Variants in SPATA13 observed in about 807,000 individuals in gnomAD.
SPATA13 encodes the protein spermatogenesis associated 13.
A neutral mutation model predicts 104.0 loss-of-function variants in SPATA13; 50 were observed. The ratio of observed to expected loss-of-function variants is 0.48; its 90% confidence interval spans 0.38 to 0.61. SPATA13 has a LOEUF of 0.61. Among genes scored for constraint, SPATA13 ranks in the 20% least tolerant of loss-of-function variants. The probability of loss-of-function intolerance (pLI) is 0.00; values close to 1 mark genes in which losing one functional copy is unlikely to be tolerated. For synonymous variants in SPATA13, 606 were observed against 667.5 expected (o/e 0.91, Z 1.42); for missense variants, 1,524 against 1,690.6 (o/e 0.90, Z 1.73).
chr13:24,059,977 G>T (rs936627877), intron 3 of SPATA13, among the ~76,000 whole-genome samples: 1 of 152,106 alleles, frequency 6.6e-6, no homozygotes, highest in African/African-American at 2.4e-5. Context: ...TGTTGGCTGT[G>T]GTTTTGTTGT....
At chr13:24,266,846 C>A (rs149863394) in intron 4 of SPATA13, among the ~76,000 whole-genome samples, 1 of 151,374 alleles carries the variant, frequency 6.6e-6, no homozygotes, top group Non-Finnish European at 1.5e-5. Context: ...GGCTGGTGTG[C>A]AGTGGTACAA....
In SPATA13 at chr13:24,306,526, A is replaced by G. The variant is rs1377773037; in HGVS notation, c.*3753A>G. 1.3e-5 allele frequency: 2 copies of G among 152,230 alleles called. No homozygotes were observed. Among genetic ancestry groups the G allele is most frequent in the Non-Finnish European group, 2.9e-5 (2 of 68,038 alleles). 9.4% of individuals were successfully genotyped at this position (152,230 alleles called of 1,614,324 possible). A position where few individuals can be genotyped will look rare whatever the true frequency, so the allele number is the denominator to read the frequency against. On this transcript the variant is annotated 3_prime_UTR_variant, in exon 13 of 13. Coordinates refer to ENST00000382108, the MANE Select transcript of SPATA13 (RefSeq NM_001166271.3). ...CTACTAGCAGACCCAGCTTTCCCAT[A>G]ATAACCTAATCTGCAAATTGTTCTA...
chr13:24,068,250 C>T (rs1284181365), intron 3 of SPATA13, among the ~76,000 whole-genome samples: 2 of 152,146 alleles, frequency 1.3e-5, no homozygotes, highest in African/African-American at 4.8e-5. Context: ...TAAGTGAGAA[C>T]ATGTGGTATT....
At chr13:24,231,920 T>A (rs11617302) in intron 2 of SPATA13, among the ~76,000 whole-genome samples, 1 of 152,120 alleles carries the variant, frequency 6.6e-6, no homozygotes, top group South Asian at 2.1e-4. Context: ...GAAGTGCCGA[T>A]TCAGATCTTT....
intron 4 of SPATA13, among the ~76,000 whole-genome samples, chr13:24,267,164 C>T (rs954724088): frequency 2.0e-5 from 3 of 152,076 alleles, no homozygotes; most frequent in Non-Finnish European, 2.9e-5. Flanking sequence ...ATCCTTGAGC[C>T]CATTTCCTAA....
intron 2 of SPATA13, among the ~76,000 whole-genome samples, chr13:23,987,434 C>T (rs1381802484): frequency 1.3e-5 from 2 of 152,140 alleles, no homozygotes; most frequent in African/African-American, 2.4e-5. Context: ...TTAAGTACTT[C>T]TAAGGTTAAA....
chr13:24,158,204 G>C (rs1456031155), upstream of SPATA13, among the ~76,000 whole-genome samples: 1 of 152,212 alleles, frequency 6.6e-6, no homozygotes, highest in African/African-American at 2.4e-5. Context: ...AGTACCAAAA[G>C]ATCAGCAGAG....
chr13:24,002,381 A>G (rs1299805311), intron 2 of SPATA13, among the ~76,000 whole-genome samples: 2 of 152,148 alleles, frequency 1.3e-5, no homozygotes, highest in Non-Finnish European at 2.9e-5. Flanking sequence ...AGAAGCATTG[A>G]CAAACGAATT....
In SPATA13 at chr13:24,173,651, G is replaced by A. The variant is rs112406229; in HGVS notation, c.-112+12719G>A. On this transcript the variant is annotated intron_variant, in intron 1 of 12. Coordinates refer to ENST00000382108, the MANE Select transcript of SPATA13 (RefSeq NM_001166271.3). ...CCTTCTATTCCTGTCTCTCTAAAAA[G>A]GTTTTAAACTGTGAAGAATGGGTGT... 4.0e-3 allele frequency among the ~76,000 whole-genome samples: 606 copies of A among 151,972 alleles called. 1 individual carries two copies. The highest frequency in any genetic ancestry group is 7.3e-3 in the Non-Finnish European group (493 of 67,974).
At chr13:24,302,459 CAAAA>C (rs71070678) in intron 12 of SPATA13, 135 bp from the exon 13 acceptor site, 1,262 of 193,472 alleles carry the variant, frequency 6.5e-3, no homozygotes, top group South Asian at 0.012. Context: ...GACCCTGTCT[CAAAA>C]AAAAAAAAAA....
At chr13:24,272,955 G>A (rs1833638321) in intron 4 of SPATA13, 1 of 152,608 alleles carries the variant, frequency 6.6e-6, no homozygotes, top group Non-Finnish European at 1.5e-5. Context: ...CAGAAACTGG[G>A]AGGGCTGACG....
rs1045481494 is a variant in SPATA13 at position 24,292,362 on chromosome 13, A to G, written c.3080+1478A>G. 7.2e-5 allele frequency among the ~76,000 whole-genome samples: 11 copies of G among 152,320 alleles called. No individual in the cohort carries two copies. In the East Asian group the frequency reaches 2.1e-3, roughly 29 times the overall value. On this transcript the variant is annotated intron_variant, in intron 9 of 12. Transcript: ENST00000382108. ...CTGAGTTCTCACCTGGCCAGCAGGGACAGGATAGTCATAGGGCAACTGCTA... is the reference window on the plus strand; with the variant it reads ...CTGAGTTCTCACCTGGCCAGCAGGGGCAGGATAGTCATAGGGCAACTGCTA...
At chr13:24,142,442 C>A (rs995822403) in intron 3 of SPATA13, among the ~76,000 whole-genome samples, 6 of 152,132 alleles carry the variant, frequency 3.9e-5, no homozygotes, top group Non-Finnish European at 7.4e-5. Flanking sequence ...TTTTGAACAG[C>A]ACCAGCCCAT....
intron 1 of SPATA13, among the ~76,000 whole-genome samples, chr13:24,180,523 CAA>C (rs1302992896): frequency 6.6e-6 from 1 of 152,168 alleles, no homozygotes; most frequent in Non-Finnish European, 1.5e-5. Flanking sequence ...GCAAATCATG[CAA>C]AGTCGTCAGC....
intron 3 of SPATA13, among the ~76,000 whole-genome samples, chr13:24,018,508 G>A (rs981638012): frequency 9.9e-5 from 15 of 152,182 alleles, no homozygotes; most frequent in Admixed American, 3.9e-4. Flanking sequence ...AATCTTTAAC[G>A]AGCTAGACAA....
upstream of SPATA13, among the ~76,000 whole-genome samples, chr13:24,158,129 C>T (rs1882318239): frequency 6.6e-6 from 1 of 152,178 alleles, no homozygotes; most frequent in African/African-American, 2.4e-5. Context: ...CTGCAGAAAG[C>T]ATCAGTGTTG....
chr13:24,249,480 G>C lies in SPATA13; in HGVS notation c.1657G>C (p.Val553Leu), dbSNP rs527302064. The change falls in exon 3 of 13, where the codon GTC (valine) becomes CTC (leucine). Residue 553 changes from valine (V) to leucine (L), a missense_variant. Val to Leu is a conservative substitution (Grantham distance 32). Transcript: ENST00000382108. ...CTGACCTGTTCGCATTTGAAAGGTCGTCCCTGATGGCCCCTGGAGGCGAAG... is the reference window on the plus strand; with the variant it reads ...CTGACCTGTTCGCATTTGAAAGGTCCTCCCTGATGGCCCCTGGAGGCGAAG... ...GPEEKEKEEV[V>L]PDGPWRRSSS... The C allele has an allele frequency of 6.4e-7, 1 of 1,552,838 alleles. No individual in the cohort carries two copies. The highest frequency in any genetic ancestry group is 2.0e-5 in the Admixed American group (1 of 50,236).
At chr13:24,005,441 A>G (rs929148410) in intron 2 of SPATA13, among the ~76,000 whole-genome samples, 4 of 152,184 alleles carry the variant, frequency 2.6e-5, no homozygotes, top group African/African-American at 9.7e-5. Flanking sequence ...TAAGCCCAGG[A>G]CAGGAGCTCA....
At chr13:24,021,683 T>C (rs1393671939) in intron 3 of SPATA13, among the ~76,000 whole-genome samples, 1 of 152,120 alleles carries the variant, frequency 6.6e-6, no homozygotes, top group Non-Finnish European at 1.5e-5. Context: ...AGATGTTAAT[T>C]GAAGTCATAC....
Sources: gnomAD v4.1 joint callset for allele counts (sites outside exome capture counted in the v4.1 genomes callset) on GRCh38, gnomAD v4.1.1 for gene constraint, MANE v1.5 for transcripts, NCBI Gene and HGNC (gene_info 2026-07-23, HGNC 2026-07-21) for gene names.